Variants in BAIAP2 observed in about 807,000 individuals in gnomAD.
The protein encoded by BAIAP2 is BAR/IMD domain containing adaptor protein 2.
A neutral mutation model predicts 63.0 loss-of-function variants in BAIAP2; 18 were observed. The observed-to-expected ratio is 0.29, with a 90% CI of 0.20 to 0.42. The LOEUF (loss-of-function observed/expected upper bound fraction) is 0.42. Among genes scored for constraint, BAIAP2 ranks in the 10% least tolerant of loss-of-function variants. The probability of loss-of-function intolerance (pLI) is 1.00; values close to 1 mark genes in which losing one functional copy is unlikely to be tolerated. For synonymous variants in BAIAP2, 386 were observed against 307.6 expected (o/e 1.25, Z -2.67); for missense variants, 610 against 734.3 (o/e 0.83, Z 1.96).
At chr17:81,036,890 C>G in intron 1 of BAIAP2, 4 of 1,535,942 alleles carry the variant, frequency 2.6e-6, no homozygotes, top group Non-Finnish European at 3.5e-6. Context: ...CCAGCGGAAC[C>G]TTTTTCCTAT....
chr17:81,035,324 C>A lies in BAIAP2; in HGVS notation c.54+16C>A. ...TGTCTATAAGGTGAGCGCCCCCCGG[C>A]GCCGAGCTGAGCCCGCTCCGTGTGC... is the stretch of plus-strand genomic sequence containing the variant. On this transcript the variant is annotated intron_variant, in intron 1 of 13. Transcript: ENST00000428708. The A allele has an allele frequency of 7.1e-7, 1 of 1,411,768 alleles. No individual in the cohort carries two copies. The highest frequency in any genetic ancestry group is 9.4e-7 in the Non-Finnish European group (1 of 1,067,526). The allele number at this position is 1,411,768 out of a possible 1,614,324, so 87.5% of individuals were successfully genotyped here.
chr17:81,106,629 G>A, intron 11 of BAIAP2, 116 bp from the exon 12 acceptor site: 2 of 1,261,772 alleles, frequency 1.6e-6, no homozygotes, highest in Non-Finnish European at 2.2e-6. Flanking sequence ...CCTGAGAGCA[G>A]CCTCCCCGCA....
intron 13 of BAIAP2, among the ~76,000 whole-genome samples, chr17:81,114,565 A>G (rs1223946754): frequency 6.6e-6 from 1 of 152,232 alleles, no homozygotes; most frequent in Non-Finnish European, 1.5e-5. Context: ...CAGGGTGCCA[A>G]TGCTTAGACG....
Position 81,111,528 on chromosome 17 carries a change from C to T in BAIAP2, c.1535+3019C>T, listed in dbSNP as rs546610794. On this transcript the variant is annotated intron_variant, in intron 13 of 13. Coordinates refer to ENST00000428708, the MANE Select transcript of BAIAP2 (RefSeq NM_001144888.2). ...TCCCCCAAGCCCCACAACGTGGACC[C>T]AAGACACTGGCTCCATCCCTAGTGT... Among the ~76,000 whole-genome samples the T allele has an allele frequency of 1.2e-4, 19 of 152,362 alleles. No homozygotes were observed. The South Asian group carries it at 3.7e-3, about 30-fold the overall frequency.
chr17:81,099,548 G>C (rs1178096581), intron 6 of BAIAP2, among the ~76,000 whole-genome samples: 1 of 152,170 alleles, frequency 6.6e-6, no homozygotes, highest in African/African-American at 2.4e-5. Context: ...TGGAGCTGGG[G>C]CGCATCCACA....
rs560776921 is a variant in BAIAP2, at chr17:81,087,064, C to T, written c.489+484C>T. 97 of 163,788 alleles carry T rather than the reference C, an allele frequency of 5.9e-4. 1 individual carries two copies. The highest frequency in any genetic ancestry group is 2.8e-4 in the Non-Finnish European group (21 of 74,646). 10.1% of individuals were successfully genotyped at this position (163,788 alleles called of 1,614,324 possible). On this transcript the variant is annotated intron_variant, in intron 6 of 13. Coordinates refer to ENST00000428708, the MANE Select transcript of BAIAP2 (RefSeq NM_001144888.2). ...GGGCTGGGACGTAGGAAGGCCTGGC[C>T]GATGACAGGCACGGCCTGATGTGTG...
intron 7 of BAIAP2, among the ~76,000 whole-genome samples, chr17:81,101,804 C>T (rs987754147): frequency 1.3e-5 from 2 of 152,248 alleles, no homozygotes; most frequent in Non-Finnish European, 2.9e-5. Context: ...CACCTTTGAC[C>T]CCTGGAGGCA....
intron 1 of BAIAP2, among the ~76,000 whole-genome samples, chr17:81,048,198 A>G (rs1263002729): frequency 1.3e-5 from 2 of 152,094 alleles, no homozygotes; most frequent in East Asian, 3.9e-4. Context: ...TAGCCTGGCC[A>G]ACATGGTGAA....
chr17:81,097,891 G>C (rs962140294), intron 6 of BAIAP2, among the ~76,000 whole-genome samples: 1 of 152,208 alleles, frequency 6.6e-6, no homozygotes, highest in Non-Finnish European at 1.5e-5. Flanking sequence ...AGCCTCATCA[G>C]CGTTTTGGGA....
At chr17:81,092,036 T>C (rs1266369056) in intron 6 of BAIAP2, among the ~76,000 whole-genome samples, 1 of 152,248 alleles carries the variant, frequency 6.6e-6, no homozygotes, top group African/African-American at 2.4e-5. Flanking sequence ...AGGTGGTGGC[T>C]GGTGCCTGAC....
At chr17:81,095,023 A>C (rs374369550) in intron 6 of BAIAP2, among the ~76,000 whole-genome samples, 17 of 152,288 alleles carry the variant, frequency 1.1e-4, no homozygotes, top group African/African-American at 4.1e-4. Context: ...GAGAGGAGAG[A>C]TGTGTTCTGA....
chr17:81,106,543 G>A (rs1405544996), intron 11 of BAIAP2, among the ~76,000 whole-genome samples: 3 of 152,186 alleles, frequency 2.0e-5, no homozygotes, highest in East Asian at 3.9e-4. Flanking sequence ...GAGTCCTCCC[G>A]GCTTAGCTTC....
intron 12 of BAIAP2, 193 bp downstream of exon 12, chr17:81,107,100 C>G: frequency 1.5e-6 from 1 of 653,042 alleles, no homozygotes; most frequent in Non-Finnish European, 2.4e-6. Context: ...GCCCGCCTCG[C>G]CGCAGCAGGC....
At chr17:81,083,674 C>G (rs1321858823) in intron 3 of BAIAP2, 1 of 152,290 alleles carries the variant, frequency 6.6e-6, no homozygotes, top group South Asian at 2.1e-4. Flanking sequence ...GGAACCCAGG[C>G]TGGCTGCACT....
At chr17:81,071,596 G>C (rs1598630071) in intron 3 of BAIAP2, among the ~76,000 whole-genome samples, 1 of 152,254 alleles carries the variant, frequency 6.6e-6, no homozygotes, top group Non-Finnish European at 1.5e-5. Context: ...GAAATATCCA[G>C]GAAACGAGTG....
intron 13 of BAIAP2, among the ~76,000 whole-genome samples, chr17:81,112,436 C>T (rs1370595619): frequency 1.3e-5 from 2 of 152,190 alleles, no homozygotes; most frequent in Non-Finnish European, 2.9e-5. Context: ...TTGCAGTTGG[C>T]CAAGAGACTC....
At position 81,035,220 on chromosome 17, in the gene BAIAP2, C is replaced by G; in HGVS notation, c.-35C>G. ...CGCTGCTGCCGCCGCTTGCGTCCCCCGCTCCGGTCTGTGGTGCAGCCGGGA... is the reference window on the plus strand; with the variant it reads ...CGCTGCTGCCGCCGCTTGCGTCCCCGGCTCCGGTCTGTGGTGCAGCCGGGA... On this transcript the variant is annotated 5_prime_UTR_variant, in exon 1 of 14. Coordinates refer to ENST00000428708, the MANE Select transcript of BAIAP2 (RefSeq NM_001144888.2). The G allele has an allele frequency of 1.4e-6, 2 of 1,467,448 alleles. No individual in the cohort carries two copies. The highest frequency in any genetic ancestry group is 1.8e-6 in the Non-Finnish European group (2 of 1,100,484). The allele number at this position is 1,467,448 out of a possible 1,614,324, so 90.9% of individuals were successfully genotyped here.
intron 1 of BAIAP2, among the ~76,000 whole-genome samples, chr17:81,038,267 G>A (rs1568052706): frequency 6.6e-6 from 1 of 152,252 alleles, no homozygotes; most frequent in Admixed American, 6.5e-5. Flanking sequence ...TGTGTGCTGA[G>A]GGGCTGGCTC....
intron 13 of BAIAP2, chr17:81,109,892 G>A (rs990236954): frequency 1.5e-5 from 15 of 985,094 alleles, no homozygotes; most frequent in Admixed American, 6.2e-5. Flanking sequence ...CAGGGTGTGC[G>A]GGCCGGGCCC....
Sources: allele counts gnomAD v4.1 joint callset (sites outside exome capture counted in the v4.1 genomes callset), GRCh38; gene constraint gnomAD v4.1.1; transcripts MANE v1.5; gene names NCBI Gene and HGNC (gene_info 2026-07-23, HGNC 2026-07-21).